GRM8: variants seen among roughly 807,000 people sequenced by gnomAD.
The protein encoded by GRM8 is glutamate metabotropic receptor 8.
GRM8 carries 47 observed loss-of-function variants against 87.2 expected under a neutral mutation model. The observed-to-expected ratio is 0.54, with a 90% CI of 0.43 to 0.69. The LOEUF is 0.69. GRM8 is among the 30% of genes least tolerant of loss of function. GRM8 has a pLI of 0.00. For missense variants in GRM8, 1,019 were observed against 1,139.2 expected, an observed-to-expected ratio of 0.89 and a Z score of 1.52; for synonymous variants, 396 against 404.5, an observed-to-expected ratio of 0.98 and a Z score of 0.25.
At chr7:127,127,411 A>T (rs1169891124) in intron 2 of GRM8, among the ~76,000 whole-genome samples, 1 of 152,104 alleles carries the variant, frequency 6.6e-6, no homozygotes, top group Admixed American at 6.6e-5. Flanking sequence ...GTGACTGAAT[A>T]AACAAACTGT....
intron 6 of GRM8, among the ~76,000 whole-genome samples, chr7:126,787,194 C>A (rs1820711040): frequency 6.6e-6 from 1 of 152,182 alleles, no homozygotes; most frequent in African/African-American, 2.4e-5. Flanking sequence ...TGTGACCACT[C>A]TGAGTGCATT....
chr7:126,461,090 C>T (rs1803847888), intron 9 of GRM8, among the ~76,000 whole-genome samples: 1 of 151,362 alleles, frequency 6.6e-6, no homozygotes, highest in Non-Finnish European at 1.5e-5. Flanking sequence ...TTGCCCCCAC[C>T]CAGATCAACT....
chr7:126,637,271 A>G (rs1229608350), intron 7 of GRM8, among the ~76,000 whole-genome samples: 2 of 152,074 alleles, frequency 1.3e-5, no homozygotes, highest in African/African-American at 4.8e-5. Context: ...GATAAGCAAA[A>G]AAAGAAAATA....
intron 3 of GRM8, among the ~76,000 whole-genome samples, chr7:126,968,681 T>G (rs1164630841): frequency 2.0e-5 from 3 of 152,138 alleles, no homozygotes; most frequent in African/African-American, 7.2e-5. Flanking sequence ...AGGAAACCAT[T>G]TGATTCAAAG....
intron 2 of GRM8, among the ~76,000 whole-genome samples, chr7:127,207,852 A>T (rs138391963): frequency 6.6e-6 from 1 of 152,340 alleles, no homozygotes; most frequent in East Asian, 1.9e-4. Flanking sequence ...AGATTGCCTA[A>T]GGCCATGCCA....
chr7:126,966,004 A>G (rs887502965), intron 3 of GRM8, among the ~76,000 whole-genome samples: 4 of 152,292 alleles, frequency 2.6e-5, no homozygotes, highest in Middle Eastern at 3.4e-3. Flanking sequence ...TTCAAAAAAT[A>G]TCATTCAAAT....
At chr7:127,159,434 A>G (rs1407542756) in intron 2 of GRM8, among the ~76,000 whole-genome samples, 1 of 152,216 alleles carries the variant, frequency 6.6e-6, no homozygotes, top group Non-Finnish European at 1.5e-5. Flanking sequence ...CAAAGCTTTT[A>G]GACAAGGCAA....
rs573365799 is a variant in GRM8, at chr7:126,841,632, A to ATT, written c.1156+60908_1156+60909dup. On this transcript the variant is annotated intron_variant, in intron 6 of 10. Coordinates refer to ENST00000339582, the MANE Select transcript of GRM8 (RefSeq NM_000845.3). ...TTTTATTTTTATTTATTGGATTATT[A>ATT]TTTTTTTTTTTTTGAGATGGACTCT... Among the ~76,000 whole-genome samples, 256 of 145,372 alleles carry ATT rather than the reference A, an allele frequency of 1.8e-3. 1 individual carries two copies. Among genetic ancestry groups the ATT allele is most frequent in the African/African-American group, 6.0e-3 (239 of 39,966 alleles).
intron 7 of GRM8, among the ~76,000 whole-genome samples, chr7:126,617,306 G>T (rs1309338112): frequency 2.6e-5 from 4 of 152,104 alleles, no homozygotes; most frequent in Non-Finnish European, 4.4e-5. Flanking sequence ...TGAAGAAAAG[G>T]CCTTTGACAA....
At position 126,440,835 on chromosome 7, in the gene GRM8, T is replaced by C. The variant is rs991140340; in HGVS notation, c.2678-1667A>G. Among the ~76,000 whole-genome samples the C allele has an allele frequency of 7.2e-5, 11 of 152,202 alleles. 1 individual carries two copies. The highest frequency in any genetic ancestry group is 5.9e-4 in the Admixed American group (9 of 15,254). On this transcript the variant is annotated intron_variant, in intron 10 of 10. Coordinates refer to ENST00000339582, the MANE Select transcript of GRM8 (RefSeq NM_000845.3). ...CATGTCATCAAGCAATCCATGACTG[T>C]AGTAAAAATTAAATGACAGTAGAAA... is the stretch of plus-strand genomic sequence containing the variant.
At chr7:126,778,197 C>G (rs1459894321) in intron 6 of GRM8, among the ~76,000 whole-genome samples, 4 of 152,136 alleles carry the variant, frequency 2.6e-5, no homozygotes, top group Non-Finnish European at 5.9e-5. Flanking sequence ...CACCTGCTAT[C>G]TTCTTCTGTA....
intron 8 of GRM8, among the ~76,000 whole-genome samples, chr7:126,587,661 C>T (rs1796274944): frequency 2.1e-5 from 3 of 142,082 alleles, no homozygotes; most frequent in Admixed American, 1.5e-4. Flanking sequence ...GGGAACATGA[C>T]ACACCGGGCC....
intron 7 of GRM8, among the ~76,000 whole-genome samples, chr7:126,724,755 T>C (rs1812778318): frequency 6.7e-6 from 1 of 149,772 alleles, no homozygotes; most frequent in Non-Finnish European, 1.5e-5. Flanking sequence ...TAATAAACTA[T>C]TTGCAAAAAA....
chr7:126,825,282 G>C (rs1794657490), intron 6 of GRM8, among the ~76,000 whole-genome samples: 1 of 152,126 alleles, frequency 6.6e-6, no homozygotes, highest in Admixed American at 6.6e-5. Context: ...TAGCCAGGAT[G>C]GTCTCAATCT....
chr7:127,231,919 C>T (rs1246322275), intron 2 of GRM8, among the ~76,000 whole-genome samples: 1 of 151,138 alleles, frequency 6.6e-6, no homozygotes. Context: ...TCTTTTGGCG[C>T]TGAAACGATA....
chr7:127,229,044 T>A (rs1003640180), intron 2 of GRM8: 3 of 152,216 alleles, frequency 2.0e-5, no homozygotes, highest in African/African-American at 7.2e-5. Context: ...TGATTTAATA[T>A]CTGAAAAAAT....
intron 2 of GRM8, among the ~76,000 whole-genome samples, chr7:127,203,163 T>G (rs1279845501): frequency 1.3e-5 from 2 of 152,204 alleles, no homozygotes; most frequent in African/African-American, 4.8e-5. Flanking sequence ...TATTATCAAG[T>G]ACATGTTTAC....
At chr7:126,899,729 T>G (rs1176335580) in intron 6 of GRM8, among the ~76,000 whole-genome samples, 8 of 105,262 alleles carry the variant, frequency 7.6e-5, no homozygotes, top group Non-Finnish European at 1.5e-4. Flanking sequence ...TTTCACTAGT[T>G]ATCCCTTCTT....
At chr7:126,993,441 C>T (rs1444913166) in intron 3 of GRM8, among the ~76,000 whole-genome samples, 2 of 152,142 alleles carry the variant, frequency 1.3e-5, no homozygotes, top group Non-Finnish European at 2.9e-5. Context: ...AAATAAAAGT[C>T]TCCACAAATT....
Sources: gnomAD v4.1 joint callset for allele counts (sites outside exome capture counted in the v4.1 genomes callset) on GRCh38, gnomAD v4.1.1 for gene constraint, MANE v1.5 for transcripts, NCBI Gene and HGNC (gene_info 2026-07-23, HGNC 2026-07-21) for gene names.